The following FER variants were observed in gnomAD, a reference collection of about 807,000 sequenced individuals.
FER encodes the protein tyrosine-protein kinase Fer.
A neutral mutation model predicts 111.0 loss-of-function variants in FER; 63 were observed. The observed-to-expected ratio is 0.57, with a 90% CI of 0.46 to 0.70. FER has a LOEUF of 0.70. Ranked by LOEUF, FER falls within the 30% of genes least tolerant of loss-of-function variation. The pLI is 0.00. For missense variants in FER, 914 were observed against 954.0 expected, an observed-to-expected ratio of 0.96 and a Z score of 0.55; for synonymous variants, 327 against 313.9, an observed-to-expected ratio of 1.04 and a Z score of -0.44.
chr5:108,800,836 G>C (rs1259935097), intron 3 of FER, among the ~76,000 whole-genome samples: 1 of 152,098 alleles, frequency 6.6e-6, no homozygotes, highest in Non-Finnish European at 1.5e-5. Flanking sequence ...CACAAGGTCA[G>C]GAGATCGAGA....
chr5:109,099,553 CAA>C (rs976961155), intron 16 of FER, among the ~76,000 whole-genome samples: 5 of 151,172 alleles, frequency 3.3e-5, no homozygotes, highest in African/African-American at 4.8e-5. Context: ...AAATATATTT[CAA>C]AGAGTGTGAT....
chr5:108,924,386 A>G (rs1192180486), intron 10 of FER, among the ~76,000 whole-genome samples: 1 of 151,294 alleles, frequency 6.6e-6, no homozygotes, highest in Non-Finnish European at 1.5e-5. Flanking sequence ...AAAAAAATCA[A>G]GTAGAACAGA....
chr5:109,184,083 ACT>A (rs1758591667), intron 18 of FER, among the ~76,000 whole-genome samples: 1 of 152,224 alleles, frequency 6.6e-6, no homozygotes, highest in Non-Finnish European at 1.5e-5. Context: ...CACCAAAGGT[ACT>A]GTTTTTATAA....
chr5:109,132,818 C>A (rs781168425), intron 17 of FER, among the ~76,000 whole-genome samples: 12 of 152,094 alleles, frequency 7.9e-5, no homozygotes, highest in Non-Finnish European at 1.6e-4. Flanking sequence ...CATCTGAGCC[C>A]AAACCAACTG....
At chr5:108,794,536 C>T (rs781386991) in intron 2 of FER, among the ~76,000 whole-genome samples, 1 of 127,488 alleles carries the variant, frequency 7.8e-6, no homozygotes, top group South Asian at 2.9e-4. Flanking sequence ...ACCCCCCCCC[C>T]TCCCCGCACC....
rs760189870 is a variant in FER, at chr5:109,195,996, T to G, written c.*8421T>G. 2 of 152,182 alleles carry G rather than the reference T, an allele frequency of 1.3e-5. No individual in the cohort carries two copies. Among genetic ancestry groups the G allele is most frequent in the Non-Finnish European group, 2.9e-5 (2 of 68,042 alleles). 9.4% of individuals were successfully genotyped at this position (152,182 alleles called of 1,614,324 possible). ...TCTTCTGGCAAGTGCCCTAAAAGAC[T>G]GGAACACTGTATAAAGTCATAGACA... On this transcript the variant is annotated 3_prime_UTR_variant, in exon 20 of 20. Transcript: ENST00000281092.
At chr5:109,001,356 CG>C (rs974287294) in intron 13 of FER, among the ~76,000 whole-genome samples, 1 of 152,126 alleles carries the variant, frequency 6.6e-6, no homozygotes, top group African/African-American at 2.4e-5. Context: ...CGTAATCCAG[CG>C]TATAAACAGA....
intron 16 of FER, chr5:109,051,301 C>T: frequency 6.6e-7 from 1 of 1,519,066 alleles, no homozygotes; most frequent in Non-Finnish European, 9.1e-7. Context: ...TTGATACTTT[C>T]AAGCCTGTAT....
intron 13 of FER, among the ~76,000 whole-genome samples, chr5:108,993,629 G>A (rs1259383000): frequency 1.6e-5 from 2 of 122,222 alleles, no homozygotes; most frequent in South Asian, 2.4e-4. Flanking sequence ...GGGCGAGGGC[G>A]AGGGTGAGGG....
chr5:109,135,927 C>T (rs1039279013), intron 17 of FER, among the ~76,000 whole-genome samples: 11 of 151,952 alleles, frequency 7.2e-5, no homozygotes, highest in Non-Finnish European at 1.2e-4. Flanking sequence ...CTGCTTGGCC[C>T]GGGCCATCCC....
intron 1 of FER, among the ~76,000 whole-genome samples, chr5:108,756,171 A>T (rs9326746): frequency 0.44 from 62,575 of 142,190 alleles, 14,477 homozygotes; most frequent in Middle Eastern, 0.57. Context: ...AAAAAAAAAA[A>T]AATAATAATA....
At chr5:108,886,751 G>A (rs1285529545) in intron 9 of FER, among the ~76,000 whole-genome samples, 1 of 151,590 alleles carries the variant, frequency 6.6e-6, no homozygotes, top group Non-Finnish European at 1.5e-5. Flanking sequence ...CCCAACTCTT[G>A]TTAACCTTTG....
intron 17 of FER, among the ~76,000 whole-genome samples, chr5:109,144,088 C>T (rs1307421225): frequency 6.6e-6 from 1 of 151,996 alleles, no homozygotes; most frequent in East Asian, 1.9e-4. Context: ...ACCACAAAAG[C>T]ATGATTTGGA....
At chr5:108,887,125 T>G (rs1319663442) in intron 9 of FER, among the ~76,000 whole-genome samples, 2 of 151,730 alleles carry the variant, frequency 1.3e-5, no homozygotes, top group African/African-American at 4.8e-5. Flanking sequence ...ATGTACTGTG[T>G]TACTTGTGAG....
rs545711416 is a variant in FER, at chr5:108,991,386, GC to G, written c.1656+32046del. 9.9e-5 allele frequency among the ~76,000 whole-genome samples: 15 copies of G among 151,770 alleles called. No individual in the cohort carries two copies. The South Asian group carries it at 2.7e-3, about 27-fold the overall frequency. ...TGATTATAGACAATGAAGTGTCACGGCCCCCCCAAAAACAGACAAATTTTTA... is the reference window on the plus strand; with the variant it reads ...TGATTATAGACAATGAAGTGTCACGGCCCCCCAAAAACAGACAAATTTTTA... On this transcript the variant is annotated intron_variant, in intron 13 of 19. Coordinates refer to ENST00000281092, the MANE Select transcript of FER (RefSeq NM_005246.4).
chr5:109,060,628 G>C (rs1297112477), intron 16 of FER, among the ~76,000 whole-genome samples: 1 of 152,110 alleles, frequency 6.6e-6, no homozygotes, highest in Admixed American at 6.5e-5. Flanking sequence ...AGGTTGCAGT[G>C]AGCTGAGATT....
intron 3 of FER, chr5:108,820,138 A>G (rs1327908939): frequency 2.0e-6 from 2 of 985,294 alleles, no homozygotes; most frequent in Non-Finnish European, 2.4e-6. Context: ...TTCTCTTTAA[A>G]ATTTCCAAAT....
In FER at chr5:108,751,498, A is replaced by G. The variant is rs766650323; in HGVS notation, c.-206+3498A>G. Among the ~76,000 whole-genome samples, 49 of 152,212 alleles carry G rather than the reference A, an allele frequency of 3.2e-4. 1 individual carries two copies. The highest frequency in any genetic ancestry group is 5.4e-4 in the Non-Finnish European group (37 of 68,036). On this transcript the variant is annotated intron_variant, in intron 1 of 19. Transcript: ENST00000281092. ...TTATACAAAAAAACGTTTTGCTTCAAAATTGGACTCCTGTGTAAATAGATT... is the reference window on the plus strand; with the variant it reads ...TTATACAAAAAAACGTTTTGCTTCAGAATTGGACTCCTGTGTAAATAGATT...
At chr5:108,886,734 T>C (rs915462555) in intron 9 of FER, among the ~76,000 whole-genome samples, 1 of 151,710 alleles carries the variant, frequency 6.6e-6, no homozygotes, top group Non-Finnish European at 1.5e-5. Context: ...GGATGAGACC[T>C]GTTTAACCCA....
Sources: gnomAD v4.1 joint callset for allele counts (sites outside exome capture counted in the v4.1 genomes callset) on GRCh38, gnomAD v4.1.1 for gene constraint, MANE v1.5 for transcripts, NCBI Gene and HGNC (gene_info 2026-07-23, HGNC 2026-07-21) for gene names.